FAM178B: variants seen among roughly 807,000 people sequenced by gnomAD.
The protein encoded by FAM178B is protein FAM178B.
FAM178B carries 82 observed loss-of-function variants against 91.7 expected under a neutral mutation model. The observed-to-expected ratio is 0.89, with a 90% confidence interval of 0.75 to 1.07. The LOEUF (loss-of-function observed/expected upper bound fraction) is 1.07, where lower values mean the gene tolerates loss of function less well. Among genes scored for constraint, FAM178B ranks in the 50% least tolerant of loss-of-function variants. The pLI is 0.00. For synonymous variants in FAM178B, 368 were observed against 359.4 expected (o/e 1.02, Z -0.27); for missense variants, 769 against 846.7 (o/e 0.91, Z 1.14).
At chr2:96,954,361 C>T (rs946593988) in intron 6 of FAM178B, among the ~76,000 whole-genome samples, 3 of 152,226 alleles carry the variant, frequency 2.0e-5, no homozygotes, top group South Asian at 2.1e-4. Context: ...CAGAAGGAAG[C>T]GAGGGAAGGA....
intron 15 of FAM178B, 64 bp from the exon 16 acceptor site, chr2:96,878,106 C>G (rs2080291973): frequency 6.4e-7 from 1 of 1,562,066 alleles, no homozygotes; most frequent in African/African-American, 1.3e-5. Flanking sequence ...CAAAGCCGGG[C>G]AGGAGGAGAA....
rs370885383 is a variant in FAM178B, at chr2:96,878,422, G to A, written c.1848C>T (p.Asp616=). The A allele has an allele frequency of 1.9e-5, 31 of 1,613,736 alleles. No individual in the cohort carries two copies. The highest frequency in any genetic ancestry group is 3.3e-5 in the Admixed American group (2 of 59,994). Residue 616 remains aspartate, a synonymous_variant, in exon 15 of 17, where the codon GAC becomes GAT. Transcript: ENST00000490605. The part of the protein sequence containing the change: ...VVVSCQDITP[D]QWGELQLLCM... ...TGCCCCTTGGGAGACTCACCCACTG[G>A]TCTGGAGTGATGTCCTGGCAGCTAA...
intron 1 of FAM178B, among the ~76,000 whole-genome samples, chr2:96,976,854 TAAATAAAATA>T (rs1023259520): frequency 1.4e-5 from 2 of 147,308 alleles, no homozygotes; most frequent in Admixed American, 6.8e-5. Context: ...TTTCAAAAAA[TAAATAAAATA>T]AAATAAAATA....
At chr2:96,886,320 G>A (rs911348938) in intron 14 of FAM178B, among the ~76,000 whole-genome samples, 4 of 152,196 alleles carry the variant, frequency 2.6e-5, no homozygotes, top group Admixed American at 6.5e-5. Context: ...GCTTAGAGAC[G>A]GGCACCTGAC....
Position 96,875,994 on chromosome 2 carries a change from C to G in FAM178B, c.*282G>C. 1 of 499,268 alleles carries G rather than the reference C, an allele frequency of 2.0e-6. No homozygotes were observed. Among genetic ancestry groups the G allele is most frequent in the Non-Finnish European group, 3.6e-6 (1 of 277,464 alleles). 30.9% of individuals were successfully genotyped at this position (499,268 alleles called of 1,614,324 possible). On this transcript the variant is annotated 3_prime_UTR_variant, in exon 17 of 17. Coordinates refer to ENST00000490605, the MANE Select transcript of FAM178B (RefSeq NM_001122646.3). ...CCCAGGGAAACCAGAGCTATGGAGA[C>G]AGAGGCCTTAGGGAAGAGGAGATGG...
chr2:96,877,595 G>T (rs1346833319), intron 16 of FAM178B, among the ~76,000 whole-genome samples: 1 of 152,138 alleles, frequency 6.6e-6, no homozygotes, highest in Non-Finnish European at 1.5e-5. Flanking sequence ...GTAGAGACGG[G>T]TTTCACCATG....
chr2:96,932,405 G>A (rs1467707002), intron 8 of FAM178B, among the ~76,000 whole-genome samples: 1 of 152,232 alleles, frequency 6.6e-6, no homozygotes, highest in East Asian at 1.9e-4. Flanking sequence ...GGAGGCTGGT[G>A]ACTTGAGGAC....
chr2:96,934,050 C>G (rs950842707), intron 8 of FAM178B, among the ~76,000 whole-genome samples: 1 of 152,214 alleles, frequency 6.6e-6, no homozygotes, highest in Non-Finnish European at 1.5e-5. Flanking sequence ...TCATTTCAAC[C>G]GTGCATTCAC....
intron 14 of FAM178B, among the ~76,000 whole-genome samples, chr2:96,882,008 T>C (rs1475209225): frequency 6.6e-6 from 1 of 152,206 alleles, no homozygotes. Flanking sequence ...GGGACATCTC[T>C]GGGAGCTTGG....
chr2:96,883,000 G>A (rs553049647), intron 14 of FAM178B, among the ~76,000 whole-genome samples: 9 of 152,364 alleles, frequency 5.9e-5, no homozygotes, highest in East Asian at 5.8e-4. Flanking sequence ...CCGTTTTCTG[G>A]GTCTTTCCCC....
chr2:96,975,519 T>C (rs1396591214), intron 1 of FAM178B, among the ~76,000 whole-genome samples: 2 of 152,234 alleles, frequency 1.3e-5, no homozygotes, highest in Non-Finnish European at 2.9e-5. Flanking sequence ...CAAATCAGTG[T>C]AACTGGGATA....
chr2:96,986,576 A>C lies in FAM178B; in HGVS notation c.-263T>G. The C allele has an allele frequency of 2.1e-6, 1 of 484,136 alleles. No individual in the cohort carries two copies. Among genetic ancestry groups the C allele is most frequent in the East Asian group, 4.0e-5 (1 of 24,704 alleles). The allele number at this position is 484,136 out of a possible 1,614,324, so 30.0% of individuals were successfully genotyped here. ...CGCCAGCTGGGGAGCTCGCCGGCCA[A>C]GTGCGCACCCTCTTCCTGTTAGCCC... On this transcript the variant is annotated 5_prime_UTR_variant, in exon 1 of 17. Coordinates refer to ENST00000490605, the MANE Select transcript of FAM178B (RefSeq NM_001122646.3).
chr2:96,894,106 G>C (rs972863943), intron 13 of FAM178B, 55 bp from the exon 14 acceptor site: 1 of 1,551,682 alleles, frequency 6.4e-7, no homozygotes, highest in African/African-American at 1.4e-5. Flanking sequence ...AAGAGCTCAG[G>C]GTGCTCCCGG....
At chr2:96,909,525 G>A (rs1485162256) in intron 12 of FAM178B, among the ~76,000 whole-genome samples, 1 of 152,036 alleles carries the variant, frequency 6.6e-6, no homozygotes, top group Non-Finnish European at 1.5e-5. Context: ...ATCTTTTTTT[G>A]CCATTTTGGT....
intron 14 of FAM178B, among the ~76,000 whole-genome samples, chr2:96,879,477 C>T (rs1320157735): frequency 6.6e-6 from 1 of 152,250 alleles, no homozygotes; most frequent in African/African-American, 2.4e-5. Context: ...AGCTTCTTTG[C>T]ACAGGCCCAG....
chr2:96,921,404 C>T (rs1245571536), intron 11 of FAM178B, 74 bp downstream of exon 11: 17 of 1,528,498 alleles, frequency 1.1e-5, no homozygotes, highest in Non-Finnish European at 1.5e-5. Context: ...CCATCCCCAC[C>T]CAGGGCACTC....
Position 96,881,348 on chromosome 2 carries a change from G to A in FAM178B, c.1777-2855C>T, listed in dbSNP as rs184741392. Among the ~76,000 whole-genome samples the A allele has an allele frequency of 1.8e-3, 269 of 152,126 alleles. 1 individual carries two copies. Among genetic ancestry groups the A allele is most frequent in the Non-Finnish European group, 3.1e-3 (209 of 67,970 alleles). On this transcript the variant is annotated intron_variant, in intron 14 of 16. Coordinates refer to ENST00000490605, the MANE Select transcript of FAM178B (RefSeq NM_001122646.3). ...AATCTAATGATGAGAGGTGGCAGGG[G>A]ATGCCGAAGAAAACATCCAAGGGTT...
At chr2:96,929,446 C>G in intron 8 of FAM178B, 126 bp from the exon 9 acceptor site, 1 of 672,534 alleles carries the variant, frequency 1.5e-6, no homozygotes, top group Non-Finnish European at 2.7e-6. Flanking sequence ...TCTGACACCA[C>G]AGGTGTTATC....
intron 8 of FAM178B, chr2:96,938,888 C>G (rs1005252947): frequency 2.6e-5 from 4 of 152,370 alleles, no homozygotes; most frequent in Admixed American, 6.5e-5. Context: ...AAGTCCATAA[C>G]AGAGAGGAAG....
Sources: gnomAD v4.1 joint callset for allele counts (sites outside exome capture counted in the v4.1 genomes callset) on GRCh38, gnomAD v4.1.1 for gene constraint, MANE v1.5 for transcripts, NCBI Gene and HGNC (gene_info 2026-07-23, HGNC 2026-07-21) for gene names.